Variants in ZDHHC21 observed in about 807,000 individuals in gnomAD.
The protein encoded by ZDHHC21 is palmitoyltransferase ZDHHC21.
In ZDHHC21, 15 loss-of-function variants were observed where a neutral mutation model predicts 34.6. The ratio of observed to expected loss-of-function variants is 0.43; its 90% CI spans 0.29 to 0.67. The LOEUF (loss-of-function observed/expected upper bound fraction) is 0.67, where lower values mean the gene tolerates loss of function less well. Ranked by LOEUF, ZDHHC21 falls within the 30% of genes least tolerant of loss-of-function variation. The pLI, the probability that ZDHHC21 is intolerant of heterozygous loss-of-function variation, is 0.14. For missense variants in ZDHHC21, 344 were observed against 327.7 expected, an observed-to-expected ratio of 1.05 and a Z score of -0.38; for synonymous variants, 142 against 101.8, an observed-to-expected ratio of 1.40 and a Z score of -2.38.
intron 1 of ZDHHC21, among the ~76,000 whole-genome samples, chr9:14,691,507 G>A (rs1438779161): frequency 6.6e-6 from 1 of 152,202 alleles, no homozygotes; most frequent in Non-Finnish European, 1.5e-5. Flanking sequence ...CAAATAAGAA[G>A]TACATGTTAT....
At chr9:14,685,575 A>C (rs62539797) in intron 2 of ZDHHC21, among the ~76,000 whole-genome samples, 8,175 of 152,278 alleles carry the variant, frequency 0.054, 287 homozygotes, top group Admixed American at 0.12. Context: ...AGAGGATATG[A>C]AGAAACAGGA....
chr9:14,670,811 T>C (rs1045529352), intron 5 of ZDHHC21, among the ~76,000 whole-genome samples: 2 of 152,086 alleles, frequency 1.3e-5, no homozygotes, highest in Admixed American at 1.3e-4. Flanking sequence ...TCCAGCAATT[T>C]AATTGATCAT....
At chr9:14,686,685 G>A (rs999101790) in intron 2 of ZDHHC21, among the ~76,000 whole-genome samples, 4 of 152,066 alleles carry the variant, frequency 2.6e-5, no homozygotes, top group African/African-American at 9.7e-5. Flanking sequence ...GAATTACAAA[G>A]TTAAAGTCTG....
chr9:14,663,864 T>C (rs1833861124), intron 5 of ZDHHC21, among the ~76,000 whole-genome samples: 1 of 152,218 alleles, frequency 6.6e-6, no homozygotes, highest in African/African-American at 2.4e-5. Context: ...GTTAAACTAG[T>C]ACTATTTACC....
chr9:14,618,647 A>G lies in ZDHHC21; in HGVS notation c.*319T>C, dbSNP rs1000124170. ...TTTACCATAAATTAGAATCTGTAAC[A>G]CTGTCAGTACTAAAATAAATTATGT... On this transcript the variant is annotated 3_prime_UTR_variant, in exon 10 of 10. Coordinates refer to ENST00000380916, the MANE Select transcript of ZDHHC21 (RefSeq NM_178566.6). 4 of 198,768 alleles carry G rather than the reference A, an allele frequency of 2.0e-5. No individual in the cohort carries two copies. The highest frequency in any genetic ancestry group is 3.0e-5 in the Non-Finnish European group (3 of 99,208). 12.3% of individuals were successfully genotyped at this position (198,768 alleles called of 1,614,324 possible). A position where few individuals can be genotyped will look rare whatever the true frequency, so the allele number is the denominator to read the frequency against.
chr9:14,648,211 G>A (rs1408852255), intron 7 of ZDHHC21, among the ~76,000 whole-genome samples: 3 of 151,954 alleles, frequency 2.0e-5, no homozygotes, highest in Non-Finnish European at 2.9e-5. Flanking sequence ...ACTTGTAAAC[G>A]CTTCTACCAC....
intron 5 of ZDHHC21, among the ~76,000 whole-genome samples, chr9:14,672,460 T>C (rs1390852900): frequency 6.6e-6 from 1 of 152,040 alleles, no homozygotes; most frequent in African/African-American, 2.4e-5. Flanking sequence ...CATAGATCCA[T>C]GGTAATAAGA....
At chr9:14,602,815 C>G in the ZDHHC21 span, among the ~76,000 whole-genome samples, 693 of 151,124 alleles carry the variant, frequency 4.6e-3, 2 homozygotes, top group Non-Finnish European at 7.8e-3. Context: ...CCCAGCCACT[C>G]GGGAGGCTGA....
chr9:14,662,373 T>G, intron 5 of ZDHHC21, 47 bp from the exon 6 acceptor site: 3 of 1,402,042 alleles, frequency 2.1e-6, no homozygotes, highest in Non-Finnish European at 2.9e-6. Context: ...AAGTGGGTAA[T>G]GCTGAAATTT....
intron 7 of ZDHHC21, among the ~76,000 whole-genome samples, chr9:14,654,478 T>C (rs1831831341): frequency 6.6e-6 from 1 of 151,934 alleles, no homozygotes; most frequent in African/African-American, 2.4e-5. Flanking sequence ...CTCAGTATTC[T>C]AACTTAGACA....
At chr9:14,688,143 AAAGAG>A (rs1171543126) in intron 2 of ZDHHC21, among the ~76,000 whole-genome samples, 1 of 151,032 alleles carries the variant, frequency 6.6e-6, no homozygotes, top group Non-Finnish European at 1.5e-5. Flanking sequence ...ACAGATGTTA[AAAGAG>A]AAATTATGAC....
At chr9:14,622,466 T>C in intron 8 of ZDHHC21, 1 of 942,092 alleles carries the variant, frequency 1.1e-6, no homozygotes, top group Non-Finnish European at 1.3e-6. Flanking sequence ...GGCTTGATGT[T>C]AGGAAAATGA....
chr9:14,597,390 A>G, the ZDHHC21 span, among the ~76,000 whole-genome samples: 2 of 152,114 alleles, frequency 1.3e-5, no homozygotes, highest in African/African-American at 4.8e-5. Context: ...CATCCCAGGG[A>G]ATGGACAGTG....
intron 8 of ZDHHC21, among the ~76,000 whole-genome samples, chr9:14,629,215 T>C (rs1826870736): frequency 2.6e-5 from 4 of 152,208 alleles, no homozygotes; most frequent in Admixed American, 6.5e-5. Flanking sequence ...TTACTACACA[T>C]ATGCAGAAAG....
intron 7 of ZDHHC21, among the ~76,000 whole-genome samples, chr9:14,658,411 A>G (rs1477169981): frequency 7.5e-6 from 1 of 132,830 alleles, no homozygotes; most frequent in African/African-American, 3.5e-5. Context: ...AAGGAACCAC[A>G]TGTTAATAAT....
At chr9:14,670,094 G>A (rs1403165384) in intron 5 of ZDHHC21, among the ~76,000 whole-genome samples, 8 of 146,436 alleles carry the variant, frequency 5.5e-5, no homozygotes, top group African/African-American at 1.0e-4. Context: ...GGAAGGAGGC[G>A]CTCCACAACG....
chr9:14,670,428 G>A (rs938027038), intron 5 of ZDHHC21, among the ~76,000 whole-genome samples: 2 of 152,042 alleles, frequency 1.3e-5, no homozygotes, highest in African/African-American at 2.4e-5. Context: ...TTTGTGACAT[G>A]TAAAATCATA....
At chr9:14,672,796 C>T in intron 5 of ZDHHC21, 34 bp downstream of exon 5, 2 of 1,405,222 alleles carry the variant, frequency 1.4e-6, no homozygotes, top group Non-Finnish European at 2.0e-6. Context: ...GTAATTCTGG[C>T]ATCAGCAAAA....
chr9:14,657,047 A>T (rs920012656), intron 7 of ZDHHC21, among the ~76,000 whole-genome samples: 6 of 151,962 alleles, frequency 3.9e-5, no homozygotes, highest in Non-Finnish European at 7.4e-5. Context: ...CTCCATTTTA[A>T]AAAAAGGTGA....
Sources: gnomAD v4.1 joint callset for allele counts (sites outside exome capture counted in the v4.1 genomes callset) on GRCh38, gnomAD v4.1.1 for gene constraint, MANE v1.5 for transcripts, NCBI Gene and HGNC (gene_info 2026-07-23, HGNC 2026-07-21) for gene names.